Variants in TTC27 observed in about 807,000 individuals in gnomAD.
TTC27 encodes tetratricopeptide repeat domain 27, also known as tetratricopeptide repeat protein 27.
Under a neutral mutation model 115.9 loss-of-function variants are expected in TTC27, and 79 were observed. That is an observed-to-expected ratio of 0.68 (90% CI 0.57 to 0.82). The LOEUF (loss-of-function observed/expected upper bound fraction) is 0.82, where lower values mean the gene tolerates loss of function less well. Ranked by LOEUF, TTC27 falls within the 40% of genes least tolerant of loss-of-function variation. TTC27 has a pLI of 0.00. For synonymous variants in TTC27, 401 were observed against 356.0 expected (o/e 1.13, Z -1.42); for missense variants, 1,054 against 993.1 (o/e 1.06, Z -0.82).
At chr2:32,814,758 G>C (rs2148050324) in intron 18 of TTC27, among the ~76,000 whole-genome samples, 1 of 152,282 alleles carries the variant, frequency 6.6e-6, no homozygotes, top group South Asian at 2.1e-4. Flanking sequence ...CAGGGTTGTA[G>C]CCTAGGAGTA....
At chr2:32,817,395 T>A in intron 18 of TTC27, 62 bp from the exon 19 acceptor site, 1 of 1,383,622 alleles carries the variant, frequency 7.2e-7, no homozygotes, top group Non-Finnish European at 1.0e-6. Context: ...AATTGGCTTT[T>A]GTACCTGTGA....
chr2:32,683,021 T>A (rs1366668374), intron 9 of TTC27, among the ~76,000 whole-genome samples: 1 of 151,728 alleles, frequency 6.6e-6, no homozygotes, highest in Non-Finnish European at 1.5e-5. Flanking sequence ...ACCTGGCTAA[T>A]TTTTTTGTGT....
intron 16 of TTC27, among the ~76,000 whole-genome samples, chr2:32,790,638 T>G (rs554421462): frequency 2.0e-5 from 3 of 152,202 alleles, no homozygotes; most frequent in Non-Finnish European, 4.4e-5. Context: ...GTAGTCACTA[T>G]GCTGTGCAGA....
chr2:32,699,949 G>T (rs1667127647), intron 9 of TTC27, among the ~76,000 whole-genome samples: 1 of 152,164 alleles, frequency 6.6e-6, no homozygotes, highest in Non-Finnish European at 1.5e-5. Flanking sequence ...TCATCCCTTT[G>T]CTGTGCAAGC....
chr2:32,716,284 T>G (rs17012131), intron 10 of TTC27, among the ~76,000 whole-genome samples: 20,747 of 152,160 alleles, frequency 0.14, 1,855 homozygotes, highest in Middle Eastern at 0.29. Context: ...TGCTACAACT[T>G]ATTTAACCAA....
At chr2:32,792,216 G>C (rs1297794315) in intron 16 of TTC27, among the ~76,000 whole-genome samples, 3 of 152,122 alleles carry the variant, frequency 2.0e-5, no homozygotes, top group African/African-American at 4.8e-5. Context: ...ATGTGCAGTG[G>C]GGCAAGTTGC....
intron 16 of TTC27, among the ~76,000 whole-genome samples, chr2:32,787,502 A>G (rs138930421): frequency 6.6e-6 from 1 of 152,154 alleles, no homozygotes; most frequent in Non-Finnish European, 1.5e-5. Context: ...AATAAATCCT[A>G]TACTCACTTG....
intron 16 of TTC27, among the ~76,000 whole-genome samples, chr2:32,788,311 T>C (rs1670415216): frequency 6.6e-6 from 1 of 152,204 alleles, no homozygotes; most frequent in South Asian, 2.1e-4. Flanking sequence ...CCAGCATTCT[T>C]TAGAATCACA....
chr2:32,807,572 C>A (rs2148042994), intron 16 of TTC27, among the ~76,000 whole-genome samples: 1 of 152,332 alleles, frequency 6.6e-6, no homozygotes, highest in East Asian at 1.9e-4. Flanking sequence ...TAAACAAATA[C>A]ACTAAATGCC....
chr2:32,793,386 A>T (rs1456426279), intron 16 of TTC27, among the ~76,000 whole-genome samples: 1 of 152,246 alleles, frequency 6.6e-6, no homozygotes, highest in Non-Finnish European at 1.5e-5. Flanking sequence ...ACTGCCCTGC[A>T]TGAAATGCTC....
chr2:32,671,639 T>TTC (rs1411943881), intron 7 of TTC27, among the ~76,000 whole-genome samples: 9 of 152,246 alleles, frequency 5.9e-5, no homozygotes, highest in Non-Finnish European at 1.3e-4. Context: ...TCATATTTTA[T>TTC]TCTTTTAAAA....
At chr2:32,696,328 C>T (rs1221514169) in intron 9 of TTC27, among the ~76,000 whole-genome samples, 4 of 150,846 alleles carry the variant, frequency 2.7e-5, no homozygotes, top group Admixed American at 6.6e-5. Flanking sequence ...CTCACTCTGT[C>T]GCCCAGACTG....
intron 12 of TTC27, among the ~76,000 whole-genome samples, chr2:32,746,328 G>A (rs540541129): frequency 1.5e-4 from 23 of 151,958 alleles, no homozygotes; most frequent in Admixed American, 1.1e-3. Flanking sequence ...TTGAGAGGCC[G>A]AGACGGGTGG....
intron 12 of TTC27, among the ~76,000 whole-genome samples, chr2:32,755,032 C>T (rs1262133718): frequency 3.3e-5 from 5 of 151,268 alleles, no homozygotes; most frequent in African/African-American, 1.2e-4. Flanking sequence ...GGGGCGGCTG[C>T]CGGGTGGAGG....
intron 12 of TTC27, 29 bp downstream of exon 12, chr2:32,736,845 G>T (rs868750423): frequency 6.2e-7 from 1 of 1,609,506 alleles, no homozygotes; most frequent in Middle Eastern, 1.7e-4. Flanking sequence ...TGATGTACTG[G>T]TGAGAGCCTT....
intron 16 of TTC27, among the ~76,000 whole-genome samples, chr2:32,793,374 G>C (rs556060618): frequency 1.3e-5 from 2 of 152,284 alleles, no homozygotes; most frequent in Admixed American, 1.3e-4. Flanking sequence ...ATTACCACTA[G>C]AACTGCCCTG....
At chr2:32,793,946 T>C (rs1378683701) in intron 16 of TTC27, among the ~76,000 whole-genome samples, 1 of 152,198 alleles carries the variant, frequency 6.6e-6, no homozygotes, top group Non-Finnish European at 1.5e-5. Context: ...TAGCTCCATA[T>C]TTTGCTTTCT....
intron 13 of TTC27, among the ~76,000 whole-genome samples, chr2:32,763,714 G>A (rs765267912): frequency 2.6e-5 from 4 of 152,192 alleles, no homozygotes; most frequent in Non-Finnish European, 4.4e-5. Context: ...TGTCTATGGT[G>A]CATTCATTAG....
At chr2:32,704,565 C>T (rs1027121975) in intron 10 of TTC27, among the ~76,000 whole-genome samples, 3 of 152,116 alleles carry the variant, frequency 2.0e-5, no homozygotes, top group Non-Finnish European at 4.4e-5. Flanking sequence ...TCCCATATAG[C>T]CTTCACCGTG....
Sources: allele counts gnomAD v4.1 joint callset (sites outside exome capture counted in the v4.1 genomes callset), GRCh38; gene constraint gnomAD v4.1.1; transcripts MANE v1.5; gene names NCBI Gene and HGNC (gene_info 2026-07-23, HGNC 2026-07-21).